The following CDK5RAP2 variants were observed in gnomAD, a reference collection of about 807,000 sequenced individuals.
CDK5RAP2 encodes CDK5 regulatory subunit-associated protein 2.
Under a neutral mutation model 232.9 loss-of-function variants are expected in CDK5RAP2, and 147 were observed. The ratio of observed to expected loss-of-function variants is 0.63; its 90% CI spans 0.55 to 0.72. The LOEUF is 0.72. Ranked by LOEUF, CDK5RAP2 falls within the 30% of genes least tolerant of loss-of-function variation. The pLI is 0.00. For missense variants in CDK5RAP2, 2,195 were observed against 2,231.5 expected (o/e 0.98, Z 0.33); for synonymous variants, 833 against 833.7 (o/e 1.00, Z 0.01).
At chr9:120,557,243 T>C (rs1432139268) in intron 3 of CDK5RAP2, among the ~76,000 whole-genome samples, 1 of 152,150 alleles carries the variant, frequency 6.6e-6, no homozygotes, top group East Asian at 1.9e-4. Flanking sequence ...TCCTCACAGT[T>C]TTCTCTGAAT....
chr9:120,507,774 G>C (rs2039881086), intron 12 of CDK5RAP2, among the ~76,000 whole-genome samples: 1 of 151,520 alleles, frequency 6.6e-6, no homozygotes, highest in Non-Finnish European at 1.5e-5. Context: ...AGACCTGTAT[G>C]ATGATGTCAA....
chr9:120,569,665 A>G (rs2042776471), intron 2 of CDK5RAP2, among the ~76,000 whole-genome samples: 1 of 152,212 alleles, frequency 6.6e-6, no homozygotes, highest in African/African-American at 2.4e-5. Flanking sequence ...AAACAGGGAC[A>G]GACTGTATAC....
intron 22 of CDK5RAP2, 129 bp downstream of exon 22, chr9:120,447,766 T>C: frequency 3.8e-6 from 3 of 784,316 alleles, no homozygotes; most frequent in Non-Finnish European, 7.0e-6. Context: ...AGAGTCAAGA[T>C]TAATCACTGC....
chr9:120,538,904 C>T, intron 6 of CDK5RAP2, 137 bp downstream of exon 6: 1 of 942,188 alleles, frequency 1.1e-6, no homozygotes, highest in Non-Finnish European at 1.7e-6. Flanking sequence ...AATGGGGCTA[C>T]AATCCAGGAG....
intron 25 of CDK5RAP2, among the ~76,000 whole-genome samples, chr9:120,426,199 C>T (rs2034888494): frequency 6.6e-6 from 1 of 152,146 alleles, no homozygotes; most frequent in Admixed American, 6.5e-5. Context: ...CCACTGTAAG[C>T]CAAAAAGTAT....
chr9:120,458,711 GTAAGTGAAAA>G (rs1278328241), intron 19 of CDK5RAP2, 89 bp from the exon 20 acceptor site: 1 of 1,236,184 alleles, frequency 8.1e-7, no homozygotes, highest in Non-Finnish European at 1.2e-6. Flanking sequence ...GGGTAAGTGA[GTAAGTGAAAA>G]TAAGCCAGAC....
Position 120,536,545 on chromosome 9 carries a change from C to T in CDK5RAP2, c.508-19G>A. The T allele has an allele frequency of 6.2e-7, 1 of 1,611,810 alleles. No homozygotes were observed. The highest frequency in any genetic ancestry group is 8.5e-7 in the Non-Finnish European group (1 of 1,178,520). Reference sequence around the variant, plus strand: ...TCACATCCTAGAGTCAAATTAAATGCATTTGATGCAATTTTTCAATACAAT... The same window carrying T: ...TCACATCCTAGAGTCAAATTAAATGTATTTGATGCAATTTTTCAATACAAT... On this transcript the variant is annotated intron_variant, in intron 6 of 37. Transcript: ENST00000349780.
At chr9:120,514,549 A>G (rs956349287) in intron 12 of CDK5RAP2, among the ~76,000 whole-genome samples, 20 of 152,200 alleles carry the variant, frequency 1.3e-4, no homozygotes, top group African/African-American at 4.6e-4. Flanking sequence ...GTGGCTGGCA[A>G]TGAGTCCAGC....
intron 32 of CDK5RAP2, among the ~76,000 whole-genome samples, chr9:120,405,485 T>C (rs940773700): frequency 6.6e-6 from 1 of 152,104 alleles, no homozygotes; most frequent in Non-Finnish European, 1.5e-5. Context: ...AGAACTGTTC[T>C]CCCTGCTTCA....
intron 14 of CDK5RAP2, among the ~76,000 whole-genome samples, chr9:120,483,572 A>G (rs1189693728): frequency 6.6e-6 from 1 of 152,212 alleles, no homozygotes; most frequent in Non-Finnish European, 1.5e-5. Flanking sequence ...AAACTACCCA[A>G]TGTGGGGTTC....
chr9:120,555,750 T>C (rs552197257), intron 3 of CDK5RAP2, among the ~76,000 whole-genome samples: 2 of 152,324 alleles, frequency 1.3e-5, no homozygotes, highest in Non-Finnish European at 2.9e-5. Flanking sequence ...AAAAAACCTG[T>C]ACATAAATGT....
intron 1 of CDK5RAP2, among the ~76,000 whole-genome samples, chr9:120,579,072 T>C (rs556378627): frequency 6.6e-5 from 10 of 152,206 alleles, no homozygotes; most frequent in Non-Finnish European, 1.0e-4. Flanking sequence ...TGGAGCAGAG[T>C]TGCGCTCTGT....
intron 27 of CDK5RAP2, among the ~76,000 whole-genome samples, chr9:120,418,639 A>C (rs2034380902): frequency 6.6e-6 from 1 of 152,244 alleles, no homozygotes; most frequent in Non-Finnish European, 1.5e-5. Context: ...GAAATGACCA[A>C]GAAAAACCAA....
chr9:120,570,285 A>G (rs2042805613), intron 2 of CDK5RAP2, among the ~76,000 whole-genome samples: 1 of 152,036 alleles, frequency 6.6e-6, no homozygotes, highest in Middle Eastern at 3.2e-3. Context: ...CTTTTTCCTT[A>G]CCTACATCTG....
chr9:120,433,742 T>C (rs1025393184), intron 25 of CDK5RAP2, among the ~76,000 whole-genome samples: 1 of 152,182 alleles, frequency 6.6e-6, no homozygotes. Flanking sequence ...GTAGCTCTAG[T>C]AGGAAAAGTT....
Position 120,404,174 on chromosome 9 carries a change from T to C in CDK5RAP2, c.4964-61A>G, listed in dbSNP as rs369798391. ...CTGTTGTCAGCATTCAAGAGAGAAC[T>C]GAAAGAGAATACAGTCAAGCCCCTC... On this transcript the variant is annotated intron_variant, in intron 32 of 37. Transcript: ENST00000349780. 543 of 1,050,472 alleles carry C rather than the reference T, an allele frequency of 5.2e-4. 3 individuals carry two copies. In the Middle Eastern group the frequency reaches 5.8e-3, roughly 11 times the overall value. 65.1% of individuals were successfully genotyped at this position (1,050,472 alleles called of 1,614,324 possible). A position where few individuals can be genotyped will look rare whatever the true frequency, so the allele number is the denominator to read the frequency against.
chr9:120,407,170 C>T lies in CDK5RAP2; in HGVS notation c.4805G>A (p.Arg1602His), dbSNP rs754501128. Residue 1602 changes from arginine (R) to histidine (H), a missense_variant, in exon 32 of 38, where the codon CGC becomes CAC. Physicochemically the swap from Arg to His is conservative, Grantham distance 29. Coordinates refer to ENST00000349780, the MANE Select transcript of CDK5RAP2 (RefSeq NM_018249.6). ...HSLLMEIQAL[R>H]LQLERSIETS... ...TTCGATGCTCCTTTCTAGTTGCAAG[C>T]GCAGAGCCTGGATCTCCATCAGGAG... 3 of 1,613,976 alleles carry T rather than the reference C, an allele frequency of 1.9e-6. No homozygotes were observed. Among genetic ancestry groups the T allele is most frequent in the East Asian group, 2.2e-5 (1 of 44,872 alleles).
intron 3 of CDK5RAP2, among the ~76,000 whole-genome samples, chr9:120,561,259 T>C (rs1208708593): frequency 6.6e-6 from 1 of 152,210 alleles, no homozygotes; most frequent in Non-Finnish European, 1.5e-5. Context: ...TCAAGAAAAC[T>C]GTTACTAGGT....
chr9:120,481,568 A>G (rs1284995489), intron 14 of CDK5RAP2, among the ~76,000 whole-genome samples: 1 of 138,752 alleles, frequency 7.2e-6, no homozygotes, highest in Non-Finnish European at 1.5e-5. Flanking sequence ...GCTAGAGTGC[A>G]GTGACGCACT....
Sources: allele counts gnomAD v4.1 joint callset (sites outside exome capture counted in the v4.1 genomes callset), GRCh38; gene constraint gnomAD v4.1.1; transcripts MANE v1.5; gene names NCBI Gene and HGNC (gene_info 2026-07-23, HGNC 2026-07-21).